The following SLC44A5 variants were observed in gnomAD, a reference collection of about 807,000 sequenced individuals.
SLC44A5 encodes the protein solute carrier family 44 member 5, also known as choline transporter-like protein 5.
In SLC44A5, 57 loss-of-function variants were observed where a neutral mutation model predicts 101.8. The ratio of observed to expected loss-of-function variants is 0.56; its 90% CI spans 0.45 to 0.70. SLC44A5 has a LOEUF of 0.70. SLC44A5 is among the 30% of genes least tolerant of loss of function. The probability of loss-of-function intolerance (pLI) is 0.00; values close to 1 mark genes in which losing one functional copy is unlikely to be tolerated. For synonymous variants in SLC44A5, 281 were observed against 290.9 expected (o/e 0.97, Z 0.35); for missense variants, 737 against 853.1 (o/e 0.86, Z 1.70).
the SLC44A5 span, among the ~76,000 whole-genome samples, chr1:75,666,259 T>C: frequency 1.1e-4 from 17 of 152,160 alleles, no homozygotes; most frequent in East Asian, 2.9e-3. Flanking sequence ...AAAAATGTGG[T>C]ATAAAAAATA....
the SLC44A5 span, among the ~76,000 whole-genome samples, chr1:75,677,492 T>G: frequency 6.6e-6 from 1 of 151,914 alleles, no homozygotes; most frequent in African/African-American, 2.4e-5. Context: ...ACAAAGAATT[T>G]TAAAAAGCAA....
At chr1:75,456,487 C>A (rs1270747006) in intron 2 of SLC44A5, among the ~76,000 whole-genome samples, 3 of 152,146 alleles carry the variant, frequency 2.0e-5, no homozygotes, top group African/African-American at 7.2e-5. Flanking sequence ...CACTTGTAGA[C>A]CCTGAATCAA....
At chr1:75,577,842 A>C (rs1463525422) in intron 1 of SLC44A5, among the ~76,000 whole-genome samples, 3 of 152,278 alleles carry the variant, frequency 2.0e-5, no homozygotes, top group African/African-American at 7.2e-5. Flanking sequence ...ACACCTAAAA[A>C]TGTGTGACAC....
chr1:75,279,154 GA>G (rs1465769187), intron 5 of SLC44A5, among the ~76,000 whole-genome samples: 6 of 151,850 alleles, frequency 4.0e-5, no homozygotes, highest in Non-Finnish European at 7.4e-5. Flanking sequence ...TTATTCCTTT[GA>G]ATGGCATATT....
chr1:75,227,119 T>A (rs1647215967), intron 13 of SLC44A5, among the ~76,000 whole-genome samples: 1 of 152,192 alleles, frequency 6.6e-6, no homozygotes, highest in South Asian at 2.1e-4. Flanking sequence ...CATGCCAGCA[T>A]GTTAGAAGGC....
chr1:75,580,850 A>T (rs1395597896), intron 1 of SLC44A5, among the ~76,000 whole-genome samples: 2 of 143,468 alleles, frequency 1.4e-5, no homozygotes, highest in East Asian at 4.4e-4. Context: ...AAAAAAAAAC[A>T]AAGAAAAAGA....
chr1:75,470,658 T>C (rs1667057566), intron 2 of SLC44A5, among the ~76,000 whole-genome samples: 2 of 151,856 alleles, frequency 1.3e-5, no homozygotes, highest in South Asian at 4.2e-4. Context: ...ACACCATGAG[T>C]AGGTGTTAGC....
At chr1:75,640,350 G>T in the SLC44A5 span, among the ~76,000 whole-genome samples, 2 of 152,060 alleles carry the variant, frequency 1.3e-5, no homozygotes, top group African/African-American at 4.8e-5. Context: ...CTCCAAGAGA[G>T]CAAGCCCCAG....
the SLC44A5 span, chr1:75,642,074 G>A: frequency 7.9e-7 from 1 of 1,268,054 alleles, no homozygotes; most frequent in Non-Finnish European, 1.1e-6. Context: ...GAAGAATCTG[G>A]GGGCTTCACT....
chr1:75,211,664 G>GA (rs1646855860), intron 22 of SLC44A5, 112 bp from the exon 23 acceptor site: 1 of 741,182 alleles, frequency 1.3e-6, no homozygotes, highest in African/African-American at 1.8e-5. Context: ...CTCTGTATGG[G>GA]AAAAGAGTTC....
At chr1:75,415,584 G>C (rs1663590479) in intron 2 of SLC44A5, among the ~76,000 whole-genome samples, 1 of 152,208 alleles carries the variant, frequency 6.6e-6, no homozygotes, top group African/African-American at 2.4e-5. Context: ...AGCAACTTTG[G>C]AATTGGGTAA....
intron 3 of SLC44A5, among the ~76,000 whole-genome samples, chr1:75,348,837 T>G (rs1658435436): frequency 6.6e-6 from 1 of 152,188 alleles, no homozygotes; most frequent in Non-Finnish European, 1.5e-5. Context: ...GACAAACTTG[T>G]AGATAAATGT....
At chr1:75,328,611 T>C (rs1325845721) in intron 4 of SLC44A5, among the ~76,000 whole-genome samples, 1 of 152,202 alleles carries the variant, frequency 6.6e-6, no homozygotes, top group Non-Finnish European at 1.5e-5. Flanking sequence ...CTTCTGGTGC[T>C]GCAGGTTCAC....
At position 75,218,637 on chromosome 1, in the gene SLC44A5, A is replaced by C; in HGVS notation, c.1382T>G (p.Leu461Ter). 1 of 1,613,850 alleles carries C rather than the reference A, an allele frequency of 6.2e-7. No individual in the cohort carries two copies. Among genetic ancestry groups the C allele is most frequent in the Non-Finnish European group, 8.5e-7 (1 of 1,179,786 alleles). Residue 461 changes from leucine to a stop codon, truncating the protein, a stop_gained, in exon 17 of 24, where the codon TTA becomes TGA. Coordinates refer to ENST00000370859, the MANE Select transcript of SLC44A5 (RefSeq NM_001130058.2). LOFTEE classifies it high-confidence loss of function. ...QYIPTFHVYN[L>*]FVFLWLINFV... is the part of the protein sequence containing the mutation. ...GTTTATAAGCCAGAGAAAGACAAAT[A>C]AGTTGTATACATGGAAGGTAGGGAT...
chr1:75,625,935 A>G, the SLC44A5 span, among the ~76,000 whole-genome samples: 1 of 152,160 alleles, frequency 6.6e-6, no homozygotes, highest in African/African-American at 2.4e-5. Context: ...CAAGAAGTTA[A>G]GAAAGCTTCT....
chr1:75,615,436 T>TACACAC (rs56337760), upstream of SLC44A5, among the ~76,000 whole-genome samples: 2,500 of 133,400 alleles, frequency 0.019, 70 homozygotes, highest in African/African-American at 0.055. Flanking sequence ...CACACATACA[T>TACACAC]ACACACACAC....
chr1:75,384,276 G>C (rs1455976405), intron 3 of SLC44A5, among the ~76,000 whole-genome samples: 3 of 151,930 alleles, frequency 2.0e-5, no homozygotes, highest in South Asian at 2.1e-4. Flanking sequence ...TGGATAAAGA[G>C]TCAAGACCCA....
the SLC44A5 span, among the ~76,000 whole-genome samples, chr1:75,649,706 G>A: frequency 1.3e-5 from 2 of 152,138 alleles, no homozygotes; most frequent in Non-Finnish European, 2.9e-5. Context: ...CATAAGCTAT[G>A]TAACTCTCTA....
intron 13 of SLC44A5, among the ~76,000 whole-genome samples, chr1:75,227,220 C>T (rs568139588): frequency 6.6e-6 from 1 of 151,990 alleles, no homozygotes; most frequent in Admixed American, 6.6e-5. Flanking sequence ...AAAAAATTAG[C>T]CAGGCATGGT....
Sources: gnomAD v4.1 joint callset for allele counts (sites outside exome capture counted in the v4.1 genomes callset) on GRCh38, gnomAD v4.1.1 for gene constraint, MANE v1.5 for transcripts, NCBI Gene and HGNC (gene_info 2026-07-23, HGNC 2026-07-21) for gene names.